Variants in DLG2 observed in about 807,000 individuals in gnomAD.
The protein encoded by DLG2 is disks large homolog 2.
DLG2 carries 45 observed loss-of-function variants against 132.5 expected under a neutral mutation model. That is an observed-to-expected ratio of 0.34 (90% confidence interval 0.27 to 0.44). The LOEUF (loss-of-function observed/expected upper bound fraction) is 0.44. Ranked by LOEUF, DLG2 falls within the 20% of genes least tolerant of loss-of-function variation. DLG2 has a pLI of 1.00. For synonymous variants in DLG2, 424 were observed against 419.6 expected (o/e 1.01, Z -0.13); for missense variants, 1,045 against 1,196.9 (o/e 0.87, Z 1.87).
chr11:85,013,198 A>G (rs188054058), intron 6 of DLG2, among the ~76,000 whole-genome samples: 1 of 152,140 alleles, frequency 6.6e-6, no homozygotes, highest in Non-Finnish European at 1.5e-5. Context: ...TAGCACTTGT[A>G]GTATAGTAGC....
rs1795769484 is a variant in DLG2 at position 84,232,588 on chromosome 11, T to A, written c.573+18650A>T. ...TGGAGCCCTCATTATGGGATTAGAG[T>A]TCTTAGAAGAAGATGAAGGAAAGAG... On this transcript the variant is annotated intron_variant, in intron 8 of 27. Coordinates refer to ENST00000376104, the MANE Select transcript of DLG2 (RefSeq NM_001142699.3). Among the ~76,000 whole-genome samples the A allele has an allele frequency of 5.9e-5, 9 of 151,986 alleles. No homozygotes were observed. In the South Asian group the frequency reaches 1.9e-3, roughly 32 times the overall value.
chr11:84,196,659 TA>T (rs1566897749), intron 8 of DLG2, among the ~76,000 whole-genome samples: 1 of 152,196 alleles, frequency 6.6e-6, no homozygotes, highest in Non-Finnish European at 1.5e-5. Context: ...CAGTATAATT[TA>T]CCTTAAATTA....
intron 6 of DLG2, among the ~76,000 whole-genome samples, chr11:84,865,249 C>G (rs1208459181): frequency 6.6e-6 from 1 of 152,130 alleles, no homozygotes; most frequent in African/African-American, 2.4e-5. Flanking sequence ...CTTACTAAGG[C>G]TGGATATGGC....
intron 6 of DLG2, among the ~76,000 whole-genome samples, chr11:84,844,065 TTGTG>T (rs769383482): frequency 0.01 from 1,167 of 115,172 alleles, 27 homozygotes; most frequent in African/African-American, 0.034. Flanking sequence ...ATATATATGT[TTGTG>T]TGTGTGTGTG....
chr11:85,413,004 G>A (rs1019398489), intron 3 of DLG2, among the ~76,000 whole-genome samples: 46 of 151,866 alleles, frequency 3.0e-4, no homozygotes, highest in African/African-American at 1.1e-3. Flanking sequence ...TTCCATAGTG[G>A]TTGTACTAAT....
chr11:85,609,578 G>A (rs539918091), intron 2 of DLG2, among the ~76,000 whole-genome samples: 35 of 152,244 alleles, frequency 2.3e-4, no homozygotes, highest in South Asian at 4.1e-4. Context: ...CTGCCCCCTC[G>A]TCCATGTCTG....
chr11:85,239,341 T>C (rs1433239616), intron 4 of DLG2, among the ~76,000 whole-genome samples: 1 of 152,092 alleles, frequency 6.6e-6, no homozygotes, highest in African/African-American at 2.4e-5. Context: ...GGTCTATAAA[T>C]GTTTGTGTGG....
chr11:84,251,258 T>A lies in DLG2; in HGVS notation c.553A>T (p.Thr185Ser). 6.3e-7 allele frequency: 1 copy of A among 1,591,284 alleles called. No individual in the cohort carries two copies. The highest frequency in any genetic ancestry group is 2.3e-5 in the East Asian group (1 of 43,834). Residue 185 changes from threonine to serine, a missense_variant, in exon 8 of 28, where the codon ACT becomes TCT. Around this residue, in one of 4 missense-constraint regions of DLG2, gnomAD observed 277 missense variants for 238.2 expected, o/e 1.16. Transcript: ENST00000376104. The stretch of plus-strand genomic sequence containing the variant: ...CTTACATAAGGAATTGTGTCCAAAG[T>A]ATCTGTGTTGACAATTATAGGAGCA... ...SPAPIIVNTD[T>S]LDTIPYVNGT...
intron 9 of DLG2, among the ~76,000 whole-genome samples, chr11:84,152,678 G>A (rs994814722): frequency 3.9e-5 from 6 of 151,976 alleles, no homozygotes; most frequent in South Asian, 2.1e-4. Flanking sequence ...AAGCCACCGC[G>A]CCCGGCCTCT....
intron 6 of DLG2, among the ~76,000 whole-genome samples, chr11:85,069,866 T>C (rs1593591557): frequency 6.6e-6 from 1 of 151,920 alleles, no homozygotes; most frequent in Non-Finnish European, 1.5e-5. Context: ...ATGTTTATTG[T>C]GGCACTATTC....
intron 11 of DLG2, among the ~76,000 whole-genome samples, chr11:83,996,297 G>T (rs1442765088): frequency 6.6e-6 from 1 of 152,092 alleles, no homozygotes; most frequent in African/African-American, 2.4e-5. Context: ...AGTTAAAATG[G>T]CCTATGTCCA....
At chr11:83,546,560 C>T (rs1279778275) in intron 19 of DLG2, among the ~76,000 whole-genome samples, 1 of 152,088 alleles carries the variant, frequency 6.6e-6, no homozygotes, top group East Asian at 1.9e-4. Context: ...GACAACAATT[C>T]TGCCATGTAA....
chr11:83,937,289 C>T lies in DLG2; in HGVS notation c.1341-6806G>A, dbSNP rs192187922. 2.8e-4 allele frequency among the ~76,000 whole-genome samples: 42 copies of T among 151,924 alleles called. 2 individuals are homozygous for T. In the East Asian group the frequency reaches 7.2e-3, roughly 26 times the overall value. ...TTGGGAGGCCGAGGTGGGCGGATCA[C>T]GAGGTCAGGAGATCGAGACCATCCT... On this transcript the variant is annotated intron_variant, in intron 14 of 27. Coordinates refer to ENST00000376104, the MANE Select transcript of DLG2 (RefSeq NM_001142699.3).
intron 21 of DLG2, among the ~76,000 whole-genome samples, chr11:83,490,206 T>C (rs1033946385): frequency 3.4e-5 from 5 of 148,734 alleles, no homozygotes; most frequent in African/African-American, 1.2e-4. Context: ...AATATAAACA[T>C]GACACCAAAC....
chr11:85,493,144 T>A (rs114344489), intron 3 of DLG2, among the ~76,000 whole-genome samples: 2,001 of 152,306 alleles, frequency 0.013, 51 homozygotes, highest in African/African-American at 0.046. Context: ...TGAGTACTGA[T>A]GAGTTGATTA....
intron 3 of DLG2, among the ~76,000 whole-genome samples, chr11:85,391,228 G>T (rs2086771316): frequency 6.6e-6 from 1 of 151,920 alleles, no homozygotes; most frequent in South Asian, 2.1e-4. Context: ...ATTCCTCCCA[G>T]ATTAAACCAG....
At chr11:84,928,390 G>A (rs1349506303) in intron 6 of DLG2, among the ~76,000 whole-genome samples, 4 of 151,894 alleles carry the variant, frequency 2.6e-5, no homozygotes, top group Non-Finnish European at 4.4e-5. Flanking sequence ...TAAAATAAAG[G>A]TAACAAATCT....
At chr11:84,714,585 CTCTTTCTCTT>C (rs1442085741) in intron 6 of DLG2, among the ~76,000 whole-genome samples, 56 of 131,764 alleles carry the variant, frequency 4.3e-4, no homozygotes, top group African/African-American at 1.5e-3. Flanking sequence ...CTTTCTCTTT[CTCTTTCTCTT>C]TCTTTCTCTT....
chr11:83,757,857 C>G (rs2093717779), intron 18 of DLG2, among the ~76,000 whole-genome samples: 1 of 152,136 alleles, frequency 6.6e-6, no homozygotes, highest in African/African-American at 2.4e-5. Flanking sequence ...CCCTTATTTT[C>G]TCTCCTACTC....
Sources: gnomAD v4.1 joint callset for allele counts (sites outside exome capture counted in the v4.1 genomes callset) on GRCh38, gnomAD v4.1.1 for gene constraint, gnomAD v4.1.1 regional missense constraint, MANE v1.5 for transcripts, NCBI Gene and HGNC (gene_info 2026-07-23, HGNC 2026-07-21) for gene names.